The following IL1RAPL1 variants were observed in gnomAD, a reference collection of about 807,000 sequenced individuals.
The protein encoded by IL1RAPL1 is interleukin-1 receptor accessory protein-like 1.
IL1RAPL1 carries 3 observed loss-of-function variants against 48.4 expected under a neutral mutation model. The observed-to-expected ratio is 0.06, with a 90% CI of 0.03 to 0.16. The LOEUF (loss-of-function observed/expected upper bound fraction) is 0.16, where lower values mean the gene tolerates loss of function less well. IL1RAPL1 is among the 10% of genes least tolerant of loss of function. IL1RAPL1 has a pLI of 1.00. For synonymous variants in IL1RAPL1, 185 were observed against 187.7 expected (o/e 0.99, Z 0.12); for missense variants, 349 against 530.6 (o/e 0.66, Z 3.36).
rs139028340 is a variant in IL1RAPL1, at chrX:29,311,301, T to C, written c.362+28084T>C. ...TCAGTCTAAATGTAATCGATATGAATCAAGCAGTAAAGAATATGGCAGAGT... is the reference window on the plus strand; with the variant it reads ...TCAGTCTAAATGTAATCGATATGAACCAAGCAGTAAAGAATATGGCAGAGT... On this transcript the variant is annotated intron_variant, in intron 3 of 10. Transcript: ENST00000378993. 3.4e-3 allele frequency among the ~76,000 whole-genome samples: 383 copies of C among 112,091 alleles called. 9 individuals are homozygous for C. In the East Asian group the frequency reaches 0.081, roughly 24 times the overall value.
At chrX:29,861,807 C>T (rs1931590932) in intron 6 of IL1RAPL1, among the ~76,000 whole-genome samples, 1 of 111,519 alleles carries the variant, frequency 9.0e-6, no homozygotes, top group Non-Finnish European at 1.9e-5. Flanking sequence ...ATAAAATTTC[C>T]CTAGCTGTTA....
At chrX:28,831,024 C>CTGTGTGTGTGTG (rs150869644) in intron 2 of IL1RAPL1, among the ~76,000 whole-genome samples, 15 of 59,239 alleles carry the variant, frequency 2.5e-4, no homozygotes, top group African/African-American at 1.1e-3. Context: ...CTCTCTCTCT[C>CTGTGTGTGTGTG]TCTGTGTGTG....
At chrX:29,209,764 A>G (rs1007216454) in intron 2 of IL1RAPL1, among the ~76,000 whole-genome samples, 17 of 112,117 alleles carry the variant, frequency 1.5e-4, no homozygotes, top group Non-Finnish European at 1.1e-4. Context: ...TGCCAATTGT[A>G]GAATTGCTAT....
At chrX:28,761,649 A>T (rs1601891374) in intron 1 of IL1RAPL1, among the ~76,000 whole-genome samples, 2 of 111,680 alleles carry the variant, frequency 1.8e-5, no homozygotes, top group South Asian at 7.5e-4. Context: ...TACCATCCCC[A>T]CTACCTGGGA....
Position 29,279,545 on chromosome X carries a change from T to A in IL1RAPL1, c.83-3393T>A, listed in dbSNP as rs758980411. On this transcript the variant is annotated intron_variant, in intron 2 of 10. Transcript: ENST00000378993. ...TATTGAACCATTTTAAGTTTATTTTTTAACAGGATGCATTTAGTTTAATGG... is the reference window on the plus strand; with the variant it reads ...TATTGAACCATTTTAAGTTTATTTTATAACAGGATGCATTTAGTTTAATGG... Among the ~76,000 whole-genome samples, 4 of 112,175 alleles carry A rather than the reference T, an allele frequency of 3.6e-5. No individual in the cohort carries two copies. The South Asian group carries it at 1.5e-3, about 41-fold the overall frequency.
At chrX:29,094,199 G>C (rs938993608) in intron 2 of IL1RAPL1, among the ~76,000 whole-genome samples, 1 of 110,973 alleles carries the variant, frequency 9.0e-6, no homozygotes, top group African/African-American at 3.3e-5. Context: ...ATTAAAACCA[G>C]TTCCAAATTT....
At chrX:28,788,618 C>T (rs945866716) in intron 1 of IL1RAPL1, among the ~76,000 whole-genome samples, 4 of 99,594 alleles carry the variant, frequency 4.0e-5, no homozygotes, top group Non-Finnish European at 8.1e-5. Context: ...AGGTGCACTC[C>T]ACCACGCCCA....
At chrX:29,572,560 AC>A (rs1922629158) in intron 5 of IL1RAPL1, among the ~76,000 whole-genome samples, 1 of 112,369 alleles carries the variant, frequency 8.9e-6, no homozygotes, top group African/African-American at 3.2e-5. Context: ...AAGGCACTTG[AC>A]ATTTAGAGGC....
At chrX:29,688,277 C>A (rs1305807088) in intron 6 of IL1RAPL1, among the ~76,000 whole-genome samples, 2 of 111,155 alleles carry the variant, frequency 1.8e-5, no homozygotes, top group Non-Finnish European at 3.8e-5. Context: ...AGAATCTTTG[C>A]CTCTTCCAAG....
At chrX:29,560,583 TCTGA>T (rs990016187) in intron 5 of IL1RAPL1, among the ~76,000 whole-genome samples, 6 of 111,932 alleles carry the variant, frequency 5.4e-5, no homozygotes, top group African/African-American at 1.9e-4. Context: ...TTGTTTCTCC[TCTGA>T]CTGTGTAATT....
At chrX:28,840,303 A>T (rs2147291519) in intron 2 of IL1RAPL1, among the ~76,000 whole-genome samples, 1 of 111,287 alleles carries the variant, frequency 9.0e-6, no homozygotes, top group Non-Finnish European at 1.9e-5. Flanking sequence ...CAATACTGTT[A>T]CCTTAATATA....
chrX:29,649,304 A>G (rs139762116), intron 5 of IL1RAPL1, among the ~76,000 whole-genome samples: 1 of 112,068 alleles, frequency 8.9e-6, no homozygotes, highest in Non-Finnish European at 1.9e-5. Context: ...ACAACAGAAA[A>G]CTACAGGCCA....
chrX:28,969,843 A>G (rs1925012147), intron 2 of IL1RAPL1, among the ~76,000 whole-genome samples: 1 of 65,061 alleles, frequency 1.5e-5, no homozygotes, highest in South Asian at 5.3e-4. Context: ...ATATGTTTCT[A>G]AACATATATG....
At chrX:29,291,372 A>G (rs767922242) in intron 3 of IL1RAPL1, among the ~76,000 whole-genome samples, 1 of 111,569 alleles carries the variant, frequency 9.0e-6, no homozygotes, top group Admixed American at 9.5e-5. Flanking sequence ...AGTTTATTTT[A>G]TTCTTTTCCC....
rs191065719 is a variant in IL1RAPL1 at position 29,820,123 on chromosome X, T to C, written c.779-97341T>C. 1.9e-3 allele frequency among the ~76,000 whole-genome samples: 203 copies of C among 107,520 alleles called. 1 individual carries two copies. The highest frequency in any genetic ancestry group is 6.4e-3 in the African/African-American group (193 of 29,958). 93.4% of individuals were successfully genotyped at this position (107,520 alleles called of 115,157 possible). A position where few individuals can be genotyped will look rare whatever the true frequency, so the allele number is the denominator to read the frequency against. On this transcript the variant is annotated intron_variant, in intron 6 of 10. Coordinates refer to ENST00000378993, the MANE Select transcript of IL1RAPL1 (RefSeq NM_014271.4). ...ACTTATATAAATTTATATATACTTA[T>C]ATAAATATAGTATAAGCTACTACAT...
intron 1 of IL1RAPL1, among the ~76,000 whole-genome samples, chrX:28,633,681 A>G (rs910844005): frequency 1.8e-5 from 2 of 112,126 alleles, no homozygotes; most frequent in Non-Finnish European, 3.8e-5. Context: ...CTGTTTTGCT[A>G]CTAAAGAAAT....
intron 1 of IL1RAPL1, among the ~76,000 whole-genome samples, chrX:28,655,270 T>C (rs1169503771): frequency 9.0e-6 from 1 of 110,791 alleles, no homozygotes; most frequent in Non-Finnish European, 1.9e-5. Context: ...ATTATAATAC[T>C]ATCAGTAGTA....
chrX:29,701,546 A>G (rs1364982796), intron 6 of IL1RAPL1, among the ~76,000 whole-genome samples: 3 of 112,176 alleles, frequency 2.7e-5, no homozygotes, highest in Non-Finnish European at 5.6e-5. Flanking sequence ...TTCAAAGTGG[A>G]TAACTCAAAA....
At chrX:29,894,053 G>A (rs1458808229) in intron 6 of IL1RAPL1, among the ~76,000 whole-genome samples, 2 of 111,924 alleles carry the variant, frequency 1.8e-5, no homozygotes, top group Non-Finnish European at 3.8e-5. Context: ...ATTCATGCTC[G>A]ATTGTGATGA....
Sources: gnomAD v4.1 joint callset for allele counts (sites outside exome capture counted in the v4.1 genomes callset) on GRCh38, gnomAD v4.1.1 for gene constraint, MANE v1.5 for transcripts, NCBI Gene and HGNC (gene_info 2026-07-23, HGNC 2026-07-21) for gene names.